Variants in SLC16A10 observed in about 807,000 individuals in gnomAD.
SLC16A10 encodes monocarboxylate transporter 10.
Under a neutral mutation model 40.0 loss-of-function variants are expected in SLC16A10, and 27 were observed. That is an observed-to-expected ratio of 0.67 (90% CI 0.50 to 0.93). The LOEUF (loss-of-function observed/expected upper bound fraction) is 0.93, where lower values mean the gene tolerates loss of function less well. Ranked by LOEUF, SLC16A10 falls within the 40% of genes least tolerant of loss-of-function variation. The probability of loss-of-function intolerance (pLI) is 0.00; values close to 1 mark genes in which losing one functional copy is unlikely to be tolerated. For missense variants in SLC16A10, 529 were observed against 658.2 expected (o/e 0.80, Z 2.15); for synonymous variants, 213 against 249.8 (o/e 0.85, Z 1.39).
chr6:111,214,997 T>C (rs1444163239), intron 4 of SLC16A10, among the ~76,000 whole-genome samples: 2 of 152,020 alleles, frequency 1.3e-5, no homozygotes, highest in Non-Finnish European at 2.9e-5. Flanking sequence ...TGGGCGCCTA[T>C]AGTCCCAGCT....
At chr6:111,118,693 A>T (rs1217704680) in intron 1 of SLC16A10, among the ~76,000 whole-genome samples, 2 of 151,864 alleles carry the variant, frequency 1.3e-5, no homozygotes, top group East Asian at 3.9e-4. Context: ...AAAAAAAAAA[A>T]AAAAAAAGGT....
intron 1 of SLC16A10, among the ~76,000 whole-genome samples, chr6:111,151,083 A>G (rs1394087580): frequency 6.6e-6 from 1 of 152,214 alleles, no homozygotes; most frequent in Admixed American, 6.5e-5. Context: ...AATTAAAGGT[A>G]GTTTCTGGCT....
At chr6:111,212,180 C>T (rs1012014363) in intron 4 of SLC16A10, among the ~76,000 whole-genome samples, 2 of 152,138 alleles carry the variant, frequency 1.3e-5, no homozygotes, top group African/African-American at 2.4e-5. Flanking sequence ...CAGTTCACCC[C>T]AGTTCTACCA....
At chr6:111,147,047 G>A (rs1007666188) in intron 1 of SLC16A10, among the ~76,000 whole-genome samples, 14 of 152,168 alleles carry the variant, frequency 9.2e-5, no homozygotes, top group African/African-American at 3.4e-4. Context: ...AAGGGCTGAG[G>A]GAAGGAGGAA....
intron 5 of SLC16A10, among the ~76,000 whole-genome samples, chr6:111,219,496 C>G (rs1770845547): frequency 6.6e-6 from 1 of 151,886 alleles, no homozygotes; most frequent in African/African-American, 2.4e-5. Context: ...CCACTGTACC[C>G]CAGCCTAGGC....
chr6:111,146,607 G>C (rs1182396477), intron 1 of SLC16A10, among the ~76,000 whole-genome samples: 1 of 151,938 alleles, frequency 6.6e-6, no homozygotes, highest in Non-Finnish European at 1.5e-5. Context: ...GTGGTGGGGG[G>C]GCGCCTGTAG....
intron 4 of SLC16A10, among the ~76,000 whole-genome samples, chr6:111,215,338 CACTA>C (rs140516358): frequency 0.014 from 2,113 of 146,684 alleles, 23 homozygotes; most frequent in Admixed American, 0.022. Context: ...AGGCTTCCAA[CACTA>C]ACTAAGTATA....
intron 1 of SLC16A10, among the ~76,000 whole-genome samples, chr6:111,141,215 A>T (rs1188537335): frequency 1.3e-5 from 2 of 152,218 alleles, no homozygotes. Context: ...ATTCTAAAAA[A>T]TTAATTATTT....
At chr6:111,213,077 G>C (rs1401031375) in intron 4 of SLC16A10, among the ~76,000 whole-genome samples, 4 of 152,148 alleles carry the variant, frequency 2.6e-5, no homozygotes, top group African/African-American at 9.7e-5. Flanking sequence ...TATTTCAAAG[G>C]TTTGAAAGTT....
chr6:111,118,700 A>G (rs1009655985), intron 1 of SLC16A10, among the ~76,000 whole-genome samples: 7 of 149,684 alleles, frequency 4.7e-5, no homozygotes, highest in Admixed American at 2.6e-4. Flanking sequence ...AAAAAAAAAA[A>G]GGTGAATTAT....
chr6:111,095,053 TA>T (rs1344668675), intron 1 of SLC16A10, among the ~76,000 whole-genome samples: 1 of 152,224 alleles, frequency 6.6e-6, no homozygotes, highest in Admixed American at 6.5e-5. Flanking sequence ...TTTTTCTGTT[TA>T]AATGCCCAGT....
At chr6:111,105,320 A>G (rs1391849509) in intron 1 of SLC16A10, among the ~76,000 whole-genome samples, 1 of 152,224 alleles carries the variant, frequency 6.6e-6, no homozygotes, top group Non-Finnish European at 1.5e-5. Context: ...TCACAGTTCA[A>G]AATGAAAACA....
chr6:111,144,620 A>G (rs541551493), intron 1 of SLC16A10, among the ~76,000 whole-genome samples: 35 of 152,268 alleles, frequency 2.3e-4, no homozygotes, highest in Non-Finnish European at 4.6e-4. Flanking sequence ...TTATAATGGC[A>G]AACTACTCTA....
intron 1 of SLC16A10, among the ~76,000 whole-genome samples, chr6:111,133,717 C>T (rs1029383215): frequency 1.3e-4 from 20 of 152,162 alleles, no homozygotes; most frequent in Admixed American, 2.6e-4. Flanking sequence ...TGATGTCCCC[C>T]TGACTCCTTC....
At chr6:111,180,962 C>A (rs568458674) in intron 3 of SLC16A10, among the ~76,000 whole-genome samples, 27 of 152,254 alleles carry the variant, frequency 1.8e-4, no homozygotes, top group African/African-American at 6.5e-4. Flanking sequence ...CCCCTGTAAT[C>A]CCAGCACTTT....
rs763961934 is a variant in SLC16A10, at chr6:111,087,826, CG to C, written c.79del (p.Ala27ProfsTer47). ...GCGCAGCCGCTCGGCCCCGCGCCCA[CG>C]GGGGCCGCTCCGCCGCCCGGCCCGG... ...SEAQPLGPAP[T>X]GAAPPPGPGP... On this transcript the variant is annotated frameshift_variant, in exon 1 of 6. Coordinates refer to ENST00000368851, the MANE Select transcript of SLC16A10 (RefSeq NM_018593.5). LOFTEE classifies it high-confidence loss of function. 6.6e-5 allele frequency: 89 copies of C among 1,347,754 alleles called. No homozygotes were observed. The highest frequency in any genetic ancestry group is 5.7e-6 in the Non-Finnish European group (6 of 1,057,162). 83.5% of individuals were successfully genotyped at this position (1,347,754 alleles called of 1,614,324 possible).
intron 4 of SLC16A10, among the ~76,000 whole-genome samples, chr6:111,214,514 A>G (rs1773391370): frequency 6.6e-6 from 1 of 152,182 alleles, no homozygotes; most frequent in Non-Finnish European, 1.5e-5. Context: ...ATCCCTGCAT[A>G]TAAGGAATAG....
intron 1 of SLC16A10, among the ~76,000 whole-genome samples, chr6:111,156,721 A>C (rs1772276767): frequency 6.6e-6 from 1 of 152,338 alleles, no homozygotes; most frequent in African/African-American, 2.4e-5. Flanking sequence ...GATATTAGTT[A>C]AAACTGAGGA....
intron 5 of SLC16A10, among the ~76,000 whole-genome samples, chr6:111,219,417 T>A (rs1034837168): frequency 1.3e-5 from 2 of 151,916 alleles, no homozygotes; most frequent in Non-Finnish European, 2.9e-5. Flanking sequence ...CAGTCCCAGA[T>A]GCACAGGAGG....
Sources: allele counts gnomAD v4.1 joint callset (sites outside exome capture counted in the v4.1 genomes callset), GRCh38; gene constraint gnomAD v4.1.1; transcripts MANE v1.5; gene names NCBI Gene and HGNC (gene_info 2026-07-23, HGNC 2026-07-21).